The following NR5A2 variants were observed in gnomAD, a reference collection of about 807,000 sequenced individuals.
The protein encoded by NR5A2 is CYP7A promoter-binding factor.
Under a neutral mutation model 62.7 loss-of-function variants are expected in NR5A2, and 26 were observed. The observed-to-expected ratio is 0.41, with a 90% confidence interval of 0.30 to 0.58. The LOEUF (loss-of-function observed/expected upper bound fraction) is 0.58. Ranked by LOEUF, NR5A2 falls within the 20% of genes least tolerant of loss-of-function variation. The pLI, the probability that NR5A2 is intolerant of heterozygous loss-of-function variation, is 0.22. For synonymous variants in NR5A2, 246 were observed against 241.7 expected, an observed-to-expected ratio of 1.02 and a Z score of -0.16; for missense variants, 541 against 669.1, an observed-to-expected ratio of 0.81 and a Z score of 2.11.
At chr1:200,111,381 G>C in intron 6 of NR5A2, 60 bp downstream of exon 6, 1 of 1,553,580 alleles carries the variant, frequency 6.4e-7, no homozygotes, top group East Asian at 2.3e-5. Context: ...GTTCAGAATG[G>C]CCGGAATTTA....
chr1:200,048,509 G>A lies in NR5A2; in HGVS notation c.801G>A (p.Arg267=), dbSNP rs1228074346. The change falls in exon 5 of 8, where the codon CGG becomes CGA. Residue 267 remains arginine, a synonymous_variant. Coordinates refer to ENST00000367362, the MANE Select transcript of NR5A2 (RefSeq NM_205860.3). This position sits in a 1 kb window ranked among gnomAD's most constrained non-coding sequence, Gnocchi z 4.8. ...GYQTYGHFPS[R]AIKSEYPDPY... is the part of the protein sequence containing the mutation. ...AAACATATGGCCACTTTCCTAGCCG[G>A]GCCATCAAGTCTGAGTACCCAGACC... 9.9e-6 allele frequency: 16 copies of A among 1,613,964 alleles called. No individual in the cohort carries two copies. The highest frequency in any genetic ancestry group is 1.3e-5 in the African/African-American group (1 of 74,880).
At chr1:200,125,453 C>T (rs1170280298) in intron 7 of NR5A2, among the ~76,000 whole-genome samples, 1 of 152,092 alleles carries the variant, frequency 6.6e-6, no homozygotes, top group Non-Finnish European at 1.5e-5. Flanking sequence ...AGACAAACAC[C>T]CCAGGGAAGA....
rs188832676 is a variant in NR5A2 at position 200,176,112 on chromosome 1, T to G, written c.*1902T>G. On this transcript the variant is annotated 3_prime_UTR_variant, in exon 8 of 8. Transcript: ENST00000367362. ...TTAAAATCATTCACTTGATTAAATG[T>G]CTGTAAATCTTCATCATTCCTACTG... The G allele has an allele frequency of 6.6e-6, 1 of 152,634 alleles. No homozygotes were observed. Among genetic ancestry groups the G allele is most frequent in the Non-Finnish European group, 1.5e-5 (1 of 68,040 alleles). The allele number at this position is 152,634 out of a possible 1,614,324, so 9.5% of individuals were successfully genotyped here.
In NR5A2 at chr1:200,048,091, A is replaced by C; in HGVS notation, c.464-81A>C. 7.5e-7 allele frequency: 1 copy of C among 1,331,014 alleles called. No individual in the cohort carries two copies. The allele number at this position is 1,331,014 out of a possible 1,614,324, so 82.5% of individuals were successfully genotyped here. A position where few individuals can be genotyped will look rare whatever the true frequency, so the allele number is the denominator to read the frequency against. ...CACATACCACTTCTTGTCGATTTAC[A>C]TTTCTAAATATCTGAAGAATGCTAA... On this transcript the variant is annotated intron_variant, in intron 4 of 7. Transcript: ENST00000367362. This position sits in a 1 kb window ranked among gnomAD's most constrained non-coding sequence, Gnocchi z 4.8.
At chr1:200,049,433 G>C (rs1662528330) in intron 5 of NR5A2, among the ~76,000 whole-genome samples, 1 of 152,212 alleles carries the variant, frequency 6.6e-6, no homozygotes, top group Non-Finnish European at 1.5e-5. Context: ...AGTTTACTTG[G>C]TTTGGGTTGT....
chr1:200,169,597 C>G (rs1214854696), intron 7 of NR5A2, among the ~76,000 whole-genome samples: 2 of 152,172 alleles, frequency 1.3e-5, no homozygotes, highest in Non-Finnish European at 2.9e-5. Flanking sequence ...TGGAAAAAAT[C>G]TGAGCACCCC....
intron 5 of NR5A2, among the ~76,000 whole-genome samples, chr1:200,060,825 T>C (rs2737647): frequency 0.37 from 56,443 of 151,294 alleles, 13,148 homozygotes; most frequent in African/African-American, 0.67. Context: ...AAGTCTGGGC[T>C]GGGTGTGATG....
At chr1:200,089,372 A>G (rs539580877) in intron 5 of NR5A2, among the ~76,000 whole-genome samples, 1 of 151,930 alleles carries the variant, frequency 6.6e-6, no homozygotes, top group African/African-American at 2.4e-5. Context: ...CTTTGGGCAG[A>G]CTGGTCTCGA....
intron 7 of NR5A2, among the ~76,000 whole-genome samples, chr1:200,133,021 G>A (rs1667032905): frequency 6.6e-6 from 1 of 152,206 alleles, no homozygotes; most frequent in African/African-American, 2.4e-5. Context: ...GTCATGTAGA[G>A]TCAGGATTTG....
At chr1:200,106,150 T>A (rs988578657) in intron 5 of NR5A2, among the ~76,000 whole-genome samples, 1 of 151,598 alleles carries the variant, frequency 6.6e-6, no homozygotes. Flanking sequence ...CTCTGCCTCC[T>A]GGGTTCCAGT....
chr1:200,058,594 C>G (rs190052708), intron 5 of NR5A2, among the ~76,000 whole-genome samples: 3 of 151,740 alleles, frequency 2.0e-5, no homozygotes, highest in African/African-American at 7.3e-5. Context: ...GATTCTCCTC[C>G]GTCAACCTCC....
chr1:200,039,594 G>A lies in NR5A2; in HGVS notation c.65-64G>A. The A allele has an allele frequency of 1.9e-6, 3 of 1,603,272 alleles. No individual in the cohort carries two copies. Among genetic ancestry groups the A allele is most frequent in the East Asian group, 4.6e-5 (2 of 43,504 alleles). ...CCGGCGAGGCGAGAGGGTTGGGTTA[G>A]CAGGCATCCCGGTCGCCCCTTCCTT... is the stretch of plus-strand genomic sequence containing the variant. On this transcript the variant is annotated intron_variant, in intron 1 of 7. Transcript: ENST00000367362. This position sits in a 1 kb window ranked among gnomAD's most constrained non-coding sequence, Gnocchi z 5.1.
rs78957226 is a variant in NR5A2, at chr1:200,126,271, G to A, written c.1378+5316G>A. On this transcript the variant is annotated intron_variant, in intron 7 of 7. Transcript: ENST00000367362. ...CTGTATAAGTCTGACCCCAAACAAA[G>A]TTGGGGGCAGGGCTCTATGGTTGTT... 6.6e-3 allele frequency among the ~76,000 whole-genome samples: 1,007 copies of A among 152,304 alleles called. 9 individuals are homozygous for A. The highest frequency in any genetic ancestry group is 0.021 in the African/African-American group (865 of 41,566).
At chr1:200,072,216 A>G (rs2816919) in intron 5 of NR5A2, among the ~76,000 whole-genome samples, 75,139 of 151,850 alleles carry the variant, frequency 0.49, 18,638 homozygotes, top group African/African-American at 0.54. Flanking sequence ...CTTCTAGGTG[A>G]GACCATTTTT....
At chr1:200,117,723 T>C (rs1666291046) in intron 6 of NR5A2, among the ~76,000 whole-genome samples, 1 of 150,876 alleles carries the variant, frequency 6.6e-6, no homozygotes, top group African/African-American at 2.4e-5. Flanking sequence ...TTTCTTTTCT[T>C]TTTTTTTTGA....
chr1:200,093,195 C>T (rs983367002), intron 5 of NR5A2, among the ~76,000 whole-genome samples: 5 of 152,300 alleles, frequency 3.3e-5, no homozygotes, highest in Non-Finnish European at 7.3e-5. Context: ...TGAGCCACCA[C>T]ACCCGGCCAA....
chr1:200,152,235 AT>A (rs1356711969), intron 7 of NR5A2, among the ~76,000 whole-genome samples: 1 of 152,206 alleles, frequency 6.6e-6, no homozygotes, highest in Non-Finnish European at 1.5e-5. Flanking sequence ...CAAGTCCTGA[AT>A]CTGAACCATG....
At chr1:200,160,790 C>T (rs776943076) in intron 7 of NR5A2, among the ~76,000 whole-genome samples, 3 of 151,516 alleles carry the variant, frequency 2.0e-5, no homozygotes, top group African/African-American at 4.9e-5. Flanking sequence ...TTAATATATC[C>T]CCACTTGGAT....
chr1:200,054,063 G>A (rs1662795628), intron 5 of NR5A2: 1 of 152,146 alleles, frequency 6.6e-6, no homozygotes, highest in Non-Finnish European at 1.5e-5. Flanking sequence ...AATGCAGGGA[G>A]CTCACTTTGG....
Sources: gnomAD v4.1 joint callset for allele counts (sites outside exome capture counted in the v4.1 genomes callset) on GRCh38, gnomAD v4.1.1 for gene constraint, Gnocchi (gnomAD v3.1) non-coding constraint, MANE v1.5 for transcripts, NCBI Gene and HGNC (gene_info 2026-07-23, HGNC 2026-07-21) for gene names.